Variants in NFIB observed in about 807,000 individuals in gnomAD.
NFIB encodes the protein nuclear factor 1 B-type.
In NFIB, 11 loss-of-function variants were observed where a neutral mutation model predicts 61.5. The observed-to-expected ratio is 0.18, with a 90% CI of 0.11 to 0.30. The LOEUF is 0.30. NFIB is among the 10% of genes least tolerant of loss of function. The pLI, the probability that NFIB is intolerant of heterozygous loss-of-function variation, is 1.00. For missense variants in NFIB, 471 were observed against 608.9 expected, an observed-to-expected ratio of 0.77 and a Z score of 2.38; for synonymous variants, 260 against 216.5, an observed-to-expected ratio of 1.20 and a Z score of -1.76.
At chr9:14,444,344 G>C in the NFIB span, among the ~76,000 whole-genome samples, 14 of 152,280 alleles carry the variant, frequency 9.2e-5, no homozygotes, top group East Asian at 1.2e-3. Context: ...CATCAAACCA[G>C]ATATAGAGTT....
chr9:14,306,697 G>C (rs1274714204), intron 2 of NFIB, among the ~76,000 whole-genome samples: 1 of 152,116 alleles, frequency 6.6e-6, no homozygotes. Flanking sequence ...ATATTTGTTA[G>C]ACTACCCTAT....
intron 1 of NFIB, among the ~76,000 whole-genome samples, chr9:14,387,693 G>A (rs1236234561): frequency 6.6e-6 from 1 of 152,206 alleles, no homozygotes; most frequent in East Asian, 1.9e-4. Flanking sequence ...TTTCCAGTCT[G>A]ACAAGGTAGG....
chr9:14,193,442 T>A (rs748969287), intron 2 of NFIB, among the ~76,000 whole-genome samples: 12 of 152,150 alleles, frequency 7.9e-5, no homozygotes, highest in Non-Finnish European at 1.6e-4. Context: ...ATGGGGATAA[T>A]CAAAAGGTTT....
chr9:14,126,596 A>C (rs966019111), intron 6 of NFIB, among the ~76,000 whole-genome samples: 21 of 152,236 alleles, frequency 1.4e-4, no homozygotes, highest in Admixed American at 1.1e-3. Context: ...CAGAATACAC[A>C]AGTAAACAGT....
At chr9:14,363,508 A>G (rs901823725) in intron 1 of NFIB, among the ~76,000 whole-genome samples, 2 of 152,030 alleles carry the variant, frequency 1.3e-5, no homozygotes, top group African/African-American at 4.8e-5. Context: ...AGGCTTCCAT[A>G]CTTTCCTAAG....
At chr9:14,453,124 G>C in the NFIB span, among the ~76,000 whole-genome samples, 1 of 152,068 alleles carries the variant, frequency 6.6e-6, no homozygotes, top group East Asian at 1.9e-4. Context: ...TCTTGTTCAG[G>C]GTATCTTTTG....
the NFIB span, among the ~76,000 whole-genome samples, chr9:14,507,418 G>A: frequency 2.0e-5 from 3 of 152,190 alleles, no homozygotes; most frequent in Non-Finnish European, 4.4e-5. Context: ...AACCATTTCA[G>A]TAGGTTTATT....
At chr9:14,463,461 T>A in the NFIB span, among the ~76,000 whole-genome samples, 1 of 151,804 alleles carries the variant, frequency 6.6e-6, no homozygotes, top group South Asian at 2.1e-4. Flanking sequence ...ACAAATATCC[T>A]AGGAAAAAAA....
intron 1 of NFIB, among the ~76,000 whole-genome samples, chr9:14,385,156 C>T (rs1174646344): frequency 6.6e-6 from 1 of 152,190 alleles, no homozygotes; most frequent in African/African-American, 2.4e-5. Flanking sequence ...ATTCTTATCT[C>T]ATCCTCACAA....
rs79714078 is a variant in NFIB at position 14,176,893 on chromosome 9, G to T, written c.616+2834C>A. On this transcript the variant is annotated intron_variant, in intron 3 of 10. Coordinates refer to ENST00000380953, the MANE Select transcript of NFIB (RefSeq NM_001190737.2). ...ACCTTCAAGTCAACAGTGGGGAACA[G>T]ATTTCAAAGAGCCTATATCTCCAAA... 8.7e-3 allele frequency among the ~76,000 whole-genome samples: 1,322 copies of T among 152,258 alleles called. 24 individuals carry two copies. The highest frequency in any genetic ancestry group is 0.03 in the African/African-American group (1,252 of 41,544).
upstream of NFIB, chr9:14,314,170 G>T: frequency 1.1e-6 from 1 of 944,950 alleles, no homozygotes; most frequent in Non-Finnish European, 1.3e-6. Flanking sequence ...GCGCGGGAGA[G>T]GGCCGGGGTG....
the NFIB span, among the ~76,000 whole-genome samples, chr9:14,424,239 T>A: frequency 6.6e-6 from 1 of 152,150 alleles, no homozygotes; most frequent in South Asian, 2.1e-4. Context: ...ACTCATCTTT[T>A]CTCCCTTACA....
At chr9:14,378,065 T>C (rs2061440511) in intron 1 of NFIB, among the ~76,000 whole-genome samples, 1 of 152,152 alleles carries the variant, frequency 6.6e-6, no homozygotes, top group South Asian at 2.1e-4. Context: ...CCACACCAGC[T>C]GAGGGTGGGG....
intron 2 of NFIB, among the ~76,000 whole-genome samples, chr9:14,239,534 A>G (rs1169532048): frequency 1.3e-5 from 2 of 152,182 alleles, no homozygotes; most frequent in African/African-American, 2.4e-5. Flanking sequence ...CTTATTATCT[A>G]TGAAGGAAAA....
chr9:14,490,504 A>G, the NFIB span, among the ~76,000 whole-genome samples: 1 of 152,188 alleles, frequency 6.6e-6, no homozygotes, highest in African/African-American at 2.4e-5. Flanking sequence ...AAAAGATACT[A>G]TGAAGAAGTG....
At chr9:14,427,077 T>C in the NFIB span, among the ~76,000 whole-genome samples, 1 of 152,158 alleles carries the variant, frequency 6.6e-6, no homozygotes, top group South Asian at 2.1e-4. Context: ...CAACTAAGGG[T>C]TAAATGCATA....
the NFIB span, among the ~76,000 whole-genome samples, chr9:14,463,679 T>TTG: frequency 1.7e-5 from 1 of 60,534 alleles, no homozygotes; most frequent in East Asian, 8.8e-4. Flanking sequence ...TTTTTTTTTT[T>TTG]TTTGAGACGG....
At chr9:14,507,162 C>G in the NFIB span, among the ~76,000 whole-genome samples, 1 of 152,212 alleles carries the variant, frequency 6.6e-6, no homozygotes, top group Non-Finnish European at 1.5e-5. Flanking sequence ...CATTTCTTCA[C>G]AATTCCACAT....
intron 4 of NFIB, among the ~76,000 whole-genome samples, chr9:14,150,568 G>T (rs1260596425): frequency 6.6e-6 from 1 of 151,984 alleles, no homozygotes; most frequent in Non-Finnish European, 1.5e-5. Context: ...CTGTCACTCT[G>T]CTAGTTAAAA....
Sources: allele counts gnomAD v4.1 joint callset (sites outside exome capture counted in the v4.1 genomes callset), GRCh38; gene constraint gnomAD v4.1.1; transcripts MANE v1.5; gene names NCBI Gene and HGNC (gene_info 2026-07-23, HGNC 2026-07-21).